Variants in CDYL2 observed in about 807,000 individuals in gnomAD.
CDYL2 encodes the protein chromodomain Y-like protein 2.
In CDYL2, 23 loss-of-function variants were observed where a neutral mutation model predicts 49.4. The ratio of observed to expected loss-of-function variants is 0.47; its 90% CI spans 0.34 to 0.66. The LOEUF (loss-of-function observed/expected upper bound fraction) is 0.66. Among genes scored for constraint, CDYL2 ranks in the 30% least tolerant of loss-of-function variants. The pLI is 0.01. For synonymous variants in CDYL2, 360 were observed against 268.8 expected, an observed-to-expected ratio of 1.34 and a Z score of -3.32; for missense variants, 678 against 656.4, an observed-to-expected ratio of 1.03 and a Z score of -0.36.
intron 2 of CDYL2, among the ~76,000 whole-genome samples, chr16:80,684,200 C>T (rs1910082145): frequency 6.6e-6 from 1 of 152,180 alleles, no homozygotes; most frequent in African/African-American, 2.4e-5. Context: ...TGTCTTGGGT[C>T]CTGGGGGTGA....
chr16:80,703,754 T>C (rs910065720), intron 1 of CDYL2, among the ~76,000 whole-genome samples: 4 of 152,156 alleles, frequency 2.6e-5, no homozygotes, highest in Admixed American at 1.3e-4. Context: ...TAAGTCCTGC[T>C]GGTTACCAGG....
intron 1 of CDYL2, among the ~76,000 whole-genome samples, chr16:80,797,300 C>T (rs1907795351): frequency 6.6e-6 from 1 of 152,210 alleles, no homozygotes; most frequent in Non-Finnish European, 1.5e-5. Context: ...AATGCTCATC[C>T]TTGGCTCCAC....
chr16:80,744,790 C>T (rs1382013660), intron 1 of CDYL2, among the ~76,000 whole-genome samples: 8 of 152,120 alleles, frequency 5.3e-5, no homozygotes, highest in African/African-American at 1.9e-4. Flanking sequence ...AGGAACAGAA[C>T]GGTAATGTTA....
intron 2 of CDYL2, among the ~76,000 whole-genome samples, chr16:80,651,036 T>C (rs1392616612): frequency 6.6e-6 from 1 of 151,968 alleles, no homozygotes; most frequent in African/African-American, 2.4e-5. Context: ...GAATAAGACC[T>C]AGTATATGAC....
chr16:80,792,508 C>A (rs1415494796), intron 1 of CDYL2, among the ~76,000 whole-genome samples: 1 of 152,188 alleles, frequency 6.6e-6, no homozygotes, highest in Non-Finnish European at 1.5e-5. Context: ...CATGGCCAGT[C>A]TATCAGTTCT....
At position 80,759,697 on chromosome 16, in the gene CDYL2, T is replaced by C. The variant is rs544550798; in HGVS notation, c.24+44453A>G. 2.6e-5 allele frequency among the ~76,000 whole-genome samples: 4 copies of C among 152,288 alleles called. No homozygotes were observed. In the East Asian group the frequency reaches 7.7e-4, roughly 29 times the overall value. ...GGAAGTAAATGTATAACCATAAAGATGCAAGTGCATGAGGAAGAACTGCAT... is the reference window on the plus strand; with the variant it reads ...GGAAGTAAATGTATAACCATAAAGACGCAAGTGCATGAGGAAGAACTGCAT... On this transcript the variant is annotated intron_variant, in intron 1 of 6. Transcript: ENST00000570137.
rs377242985 is a variant in CDYL2 at position 80,684,593 on chromosome 16, C to T, written c.561G>A (p.Glu187=). Residue 187 remains glutamate, a synonymous_variant, in exon 2 of 7, where the codon GAG becomes GAA. Transcript: ENST00000570137. ...PGLDLNDHVG[E]QDMGECDVNH... ...TCACGTCACATTCACCCATATCTTG[C>T]TCTCCAACATGATCATTCAAATCCA... 1.0e-4 allele frequency: 164 copies of T among 1,614,066 alleles called. 1 individual carries two copies. The highest frequency in any genetic ancestry group is 4.9e-4 in the Middle Eastern group (3 of 6,084).
intron 3 of CDYL2, among the ~76,000 whole-genome samples, chr16:80,629,789 G>C (rs1407069055): frequency 1.3e-5 from 2 of 152,298 alleles, no homozygotes; most frequent in East Asian, 3.9e-4. Flanking sequence ...CCATGAAAGT[G>C]GTCGCCTTCT....
intron 1 of CDYL2, among the ~76,000 whole-genome samples, chr16:80,798,415 TTCCTCCTCC>T (rs930051887): frequency 6.6e-6 from 1 of 151,848 alleles, no homozygotes; most frequent in Admixed American, 6.6e-5. Flanking sequence ...ACCCCTCCCC[TTCCTCCTCC>T]TCCTCCTCAG....
rs1906011122 is a variant in CDYL2 at position 80,599,987 on chromosome 16, A to G, written c.*4401T>C. The G allele has an allele frequency of 6.6e-6, 1 of 152,206 alleles. No homozygotes were observed. The highest frequency in any genetic ancestry group is 1.5e-5 in the Non-Finnish European group (1 of 68,044). 9.4% of individuals were successfully genotyped at this position (152,206 alleles called of 1,614,324 possible). A position where few individuals can be genotyped will look rare whatever the true frequency, so the allele number is the denominator to read the frequency against. ...CAGCATGGCTTACGTTGCATGGAGG[A>G]AACAACCCGTATTACCCTTTTTAAA... On this transcript the variant is annotated 3_prime_UTR_variant, in exon 7 of 7. Coordinates refer to ENST00000570137, the MANE Select transcript of CDYL2 (RefSeq NM_152342.4).
At chr16:80,733,083 G>A (rs558169297) in intron 1 of CDYL2, among the ~76,000 whole-genome samples, 9 of 152,026 alleles carry the variant, frequency 5.9e-5, no homozygotes, top group Non-Finnish European at 7.3e-5. Flanking sequence ...TACTGATAAC[G>A]TTCTTTCTAC....
intron 1 of CDYL2, among the ~76,000 whole-genome samples, chr16:80,749,009 G>A (rs1258625911): frequency 2.0e-5 from 3 of 151,834 alleles, no homozygotes; most frequent in African/African-American, 2.4e-5. Flanking sequence ...AAAATATAAG[G>A]TTAAAGCTTA....
chr16:80,604,938 G>C (rs559131521), intron 6 of CDYL2, among the ~76,000 whole-genome samples: 50 of 152,314 alleles, frequency 3.3e-4, no homozygotes, highest in African/African-American at 1.2e-3. Flanking sequence ...TGAGAACACA[G>C]AATAAGACGA....
intron 2 of CDYL2, chr16:80,639,692 T>A (rs781221969): frequency 2.6e-5 from 12 of 455,878 alleles, no homozygotes; most frequent in Middle Eastern, 3.2e-4. Flanking sequence ...TAACTTCATA[T>A]TGCTGAAAGA....
Position 80,602,723 on chromosome 16 carries a change from A to G in CDYL2, c.*1665T>C, listed in dbSNP as rs1906145929. On this transcript the variant is annotated 3_prime_UTR_variant, in exon 7 of 7. Transcript: ENST00000570137. The stretch of plus-strand genomic sequence containing the variant: ...GAAGGGCCAAGAAAGGCTGGTGCCC[A>G]ACAGGAAAGGGGAAGAAGGGGAGGG... The G allele has an allele frequency of 6.6e-6, 1 of 152,286 alleles. No homozygotes were observed. The allele number at this position is 152,286 out of a possible 1,614,324, so 9.4% of individuals were successfully genotyped here.
intron 2 of CDYL2, among the ~76,000 whole-genome samples, chr16:80,666,413 T>A (rs1909264847): frequency 6.6e-6 from 1 of 152,302 alleles, no homozygotes; most frequent in Non-Finnish European, 1.5e-5. Context: ...AGCAAAGAAC[T>A]GCGCAAAATA....
intron 2 of CDYL2, among the ~76,000 whole-genome samples, chr16:80,673,640 A>T (rs541906197): frequency 6.6e-6 from 1 of 152,176 alleles, no homozygotes; most frequent in Non-Finnish European, 1.5e-5. Flanking sequence ...AAGAATACAA[A>T]CCCATATGCA....
At chr16:80,758,329 TAAAC>T (rs143054200) in intron 1 of CDYL2, among the ~76,000 whole-genome samples, 22,575 of 151,926 alleles carry the variant, frequency 0.15, 1,747 homozygotes, top group South Asian at 0.23. Context: ...ACTACAATAA[TAAAC>T]AAAAGTAATA....
intron 1 of CDYL2, among the ~76,000 whole-genome samples, chr16:80,685,702 T>G (rs1048689013): frequency 9.9e-5 from 15 of 152,168 alleles, no homozygotes; most frequent in African/African-American, 3.6e-4. Flanking sequence ...AAAAACTCAA[T>G]GAAGTAAATA....
Sources: gnomAD v4.1 joint callset for allele counts (sites outside exome capture counted in the v4.1 genomes callset) on GRCh38, gnomAD v4.1.1 for gene constraint, MANE v1.5 for transcripts, NCBI Gene and HGNC (gene_info 2026-07-23, HGNC 2026-07-21) for gene names.